The following PLEKHA8 variants were observed in gnomAD, a reference collection of about 807,000 sequenced individuals.
The protein encoded by PLEKHA8 is pleckstrin homology domain-containing family A member 8.
A neutral mutation model predicts 68.2 loss-of-function variants in PLEKHA8; 36 were observed. The ratio of observed to expected loss-of-function variants is 0.53; its 90% CI spans 0.40 to 0.70. The LOEUF (loss-of-function observed/expected upper bound fraction) is 0.70. Among genes scored for constraint, PLEKHA8 ranks in the 30% least tolerant of loss-of-function variants. PLEKHA8 has a pLI of 0.00. For synonymous variants in PLEKHA8, 211 were observed against 216.1 expected (o/e 0.98, Z 0.20); for missense variants, 505 against 615.4 (o/e 0.82, Z 1.90).
chr7:30,055,251 A>C lies in PLEKHA8; in HGVS notation c.954-6A>C. 6.2e-7 allele frequency: 1 copy of C among 1,612,816 alleles called. No homozygotes were observed. On this transcript the variant is annotated splice_region_variant and splice_polypyrimidine_tract_variant and intron_variant, in intron 8 of 13. Transcript: ENST00000449726. ...CTTTTCTCCTCCATATCACCAAATT[A>C]TGTAGCTTTAGTGACATTGAACTTC...
downstream of PLEKHA8, among the ~76,000 whole-genome samples, chr7:30,088,351 G>A (rs1795260374): frequency 6.6e-6 from 1 of 152,098 alleles, no homozygotes; most frequent in Non-Finnish European, 1.5e-5. Flanking sequence ...TTGTGCATTA[G>A]AATCACGGGA....
At chr7:30,124,545 A>C (rs1389710771) in intron 13 of PLEKHA8, among the ~76,000 whole-genome samples, 2 of 152,118 alleles carry the variant, frequency 1.3e-5, no homozygotes, top group Admixed American at 6.6e-5. Context: ...AAGTTTGCCT[A>C]ATTTTGGTAA....
chr7:30,090,761 T>C, downstream of PLEKHA8: 1 of 569,052 alleles, frequency 1.8e-6, no homozygotes, highest in Non-Finnish European at 2.2e-6. Flanking sequence ...TTGTTTCAGT[T>C]CACTTTAGTT....
chr7:30,046,625 C>G (rs986009546), intron 3 of PLEKHA8, among the ~76,000 whole-genome samples: 1 of 152,160 alleles, frequency 6.6e-6, no homozygotes, highest in African/African-American at 2.4e-5. Flanking sequence ...ACTGTATAAC[C>G]TTGGCATCGG....
rs182190121 is a variant in PLEKHA8 at position 30,063,125 on chromosome 7, G to A, written c.1300+383G>A. Among the ~76,000 whole-genome samples the A allele has an allele frequency of 1.2e-3, 186 of 152,300 alleles. 1 individual carries two copies. The highest frequency in any genetic ancestry group is 2.5e-3 in the Admixed American group (38 of 15,298). On this transcript the variant is annotated intron_variant, in intron 12 of 13. Coordinates refer to ENST00000449726, the MANE Select transcript of PLEKHA8 (RefSeq NM_001197026.2). ...CACCATAACAGCGGGTTGGCGTGGG[G>A]GAATCCCAGGGATTTGTTCTGGAGT...
chr7:30,109,673 CT>C lies in PLEKHA8; in HGVS notation c.1363-19578del, dbSNP rs543389360. Among the ~76,000 whole-genome samples, 672 of 101,970 alleles carry C rather than the reference CT, an allele frequency of 6.6e-3. 4 individuals are homozygous for C. The highest frequency in any genetic ancestry group is 0.016 in the South Asian group (44 of 2,718). 66.9% of individuals were successfully genotyped at this position (101,970 alleles called of 152,430 possible). On this transcript the variant is annotated intron_variant, in intron 13 of 13. Coordinates refer to the PLEKHA8 transcript ENST00000396257. ...TATTCAGATTTTCCTTTTTCTTTTT[CT>C]TTTTTTTTTTTTTTAAAGACAGAGT...
At chr7:30,103,040 G>T (rs868798814) in intron 13 of PLEKHA8, among the ~76,000 whole-genome samples, 2 of 152,206 alleles carry the variant, frequency 1.3e-5, no homozygotes, top group African/African-American at 4.8e-5. Context: ...CTGCACTTCA[G>T]CCTGAGTGAT....
chr7:30,108,039 A>G (rs930837141), intron 13 of PLEKHA8, among the ~76,000 whole-genome samples: 1 of 144,866 alleles, frequency 6.9e-6, no homozygotes. Flanking sequence ...ATTGCACTCC[A>G]GCCTGGGCAA....
At chr7:30,073,988 TAA>T (rs377361906) in intron 12 of PLEKHA8, 81 bp from the exon 13 acceptor site, 1,324 of 890,214 alleles carry the variant, frequency 1.5e-3, no homozygotes, top group South Asian at 1.9e-3. Flanking sequence ...CCTGTCTCTT[TAA>T]AAAAAAAAAA....
rs538919123 is a variant in PLEKHA8 at position 30,047,700 on chromosome 7, T to G, written c.314-132T>G. 64 of 937,188 alleles carry G rather than the reference T, an allele frequency of 6.8e-5. 1 individual carries two copies. In the South Asian group the frequency reaches 1.2e-3, roughly 17 times the overall value. 58.1% of individuals were successfully genotyped at this position (937,188 alleles called of 1,614,324 possible). A position where few individuals can be genotyped will look rare whatever the true frequency, so the allele number is the denominator to read the frequency against. ...ACCTGTCACATTTGCAACCCATACT[T>G]TAAAGATTTGACTTTGGGCATATGT... On this transcript the variant is annotated intron_variant, in intron 3 of 13. Coordinates refer to ENST00000449726, the MANE Select transcript of PLEKHA8 (RefSeq NM_001197026.2).
intron 13 of PLEKHA8, among the ~76,000 whole-genome samples, chr7:30,110,579 A>C (rs1390475868): frequency 6.6e-6 from 1 of 152,184 alleles, no homozygotes; most frequent in Non-Finnish European, 1.5e-5. Context: ...ACTGTGTTTA[A>C]CATTTTGAGG....
chr7:30,116,081 TAC>T (rs1374537786), intron 13 of PLEKHA8: 1 of 151,028 alleles, frequency 6.6e-6, no homozygotes, highest in Non-Finnish European at 1.5e-5. Flanking sequence ...CATGTATACA[TAC>T]GCATACATAC....
At chr7:30,037,812 T>C (rs1486559410) in intron 1 of PLEKHA8, among the ~76,000 whole-genome samples, 2 of 152,060 alleles carry the variant, frequency 1.3e-5, no homozygotes, top group Non-Finnish European at 2.9e-5. Context: ...GTCTTGAACT[T>C]TAAGTTCAGG....
intron 13 of PLEKHA8, among the ~76,000 whole-genome samples, chr7:30,118,521 AGCTGCCATGGCT>A (rs1307788442): frequency 1.3e-5 from 2 of 152,126 alleles, no homozygotes; most frequent in South Asian, 4.1e-4. Flanking sequence ...ATCTTTTCTT[AGCTGCCATGGCT>A]GCTTCTTACT....
intron 13 of PLEKHA8, among the ~76,000 whole-genome samples, chr7:30,105,335 A>T (rs1472146474): frequency 6.7e-6 from 1 of 150,250 alleles, no homozygotes; most frequent in African/African-American, 2.4e-5. Flanking sequence ...AAAAAAAAAA[A>T]AAGCCATTCA....
chr7:30,109,612 A>AAG (rs1562554311), intron 13 of PLEKHA8, among the ~76,000 whole-genome samples: 1,135 of 104,580 alleles, frequency 0.011, 7 homozygotes, highest in Non-Finnish European at 0.013. Context: ...AAAAAAAAAA[A>AAG]AGAGAGAGAG....
At chr7:30,074,390 T>A (rs1759529274) in intron 13 of PLEKHA8, among the ~76,000 whole-genome samples, 1 of 152,154 alleles carries the variant, frequency 6.6e-6, no homozygotes, top group African/African-American at 2.4e-5. Flanking sequence ...GTGTCTGGAA[T>A]AGCAAAGACT....
intron 13 of PLEKHA8, among the ~76,000 whole-genome samples, chr7:30,108,081 A>C (rs1174385406): frequency 4.0e-5 from 6 of 151,270 alleles, no homozygotes; most frequent in East Asian, 3.9e-4. Flanking sequence ...AAAAAAAAAA[A>C]AAAAAAAAAA....
At chr7:30,121,486 G>A (rs1032845440) in intron 13 of PLEKHA8, among the ~76,000 whole-genome samples, 1 of 152,118 alleles carries the variant, frequency 6.6e-6, no homozygotes, top group African/African-American at 2.4e-5. Flanking sequence ...AAAATTATCC[G>A]GGTGTGGTGG....
Sources: gnomAD v4.1 joint callset for allele counts (sites outside exome capture counted in the v4.1 genomes callset) on GRCh38, gnomAD v4.1.1 for gene constraint, MANE v1.5 for transcripts, NCBI Gene and HGNC (gene_info 2026-07-23, HGNC 2026-07-21) for gene names.